Variants in KCND2 observed in about 807,000 individuals in gnomAD.
The protein encoded by KCND2 is A-type voltage-gated potassium channel KCND2.
Under a neutral mutation model 54.4 loss-of-function variants are expected in KCND2, and 16 were observed. The observed-to-expected ratio is 0.29, with a 90% confidence interval of 0.20 to 0.45. KCND2 has a LOEUF of 0.45. Ranked by LOEUF, KCND2 falls within the 20% of genes least tolerant of loss-of-function variation. KCND2 has a pLI of 1.00. For missense variants in KCND2, 486 were observed against 824.2 expected (o/e 0.59, Z 5.02); for synonymous variants, 317 against 310.7 (o/e 1.02, Z -0.21).
chr7:120,339,392 C>T (rs558940502), intron 1 of KCND2, among the ~76,000 whole-genome samples: 2 of 152,086 alleles, frequency 1.3e-5, no homozygotes, highest in African/African-American at 2.4e-5. Flanking sequence ...TTTAAGGTTC[C>T]TCACAAATTT....
chr7:120,710,348 T>C (rs1792522232), intron 1 of KCND2, among the ~76,000 whole-genome samples: 1 of 152,188 alleles, frequency 6.6e-6, no homozygotes, highest in Non-Finnish European at 1.5e-5. Flanking sequence ...TATTCAAATC[T>C]GTGCAGGGAG....
intron 1 of KCND2, among the ~76,000 whole-genome samples, chr7:120,291,364 G>T (rs1279013041): frequency 6.6e-6 from 1 of 151,826 alleles, no homozygotes; most frequent in Non-Finnish European, 1.5e-5. Flanking sequence ...TATGTCTGTA[G>T]TACTGTACTC....
chr7:120,606,673 A>G (rs924754177), intron 1 of KCND2, among the ~76,000 whole-genome samples: 4 of 152,098 alleles, frequency 2.6e-5, no homozygotes, highest in East Asian at 1.9e-4. Flanking sequence ...TCAACTGACT[A>G]TAAATGTGAG....
intron 1 of KCND2, among the ~76,000 whole-genome samples, chr7:120,417,741 T>C (rs1290103552): frequency 6.6e-6 from 1 of 152,108 alleles, no homozygotes; most frequent in Non-Finnish European, 1.5e-5. Context: ...AATACATCAT[T>C]ATGGGAAGCA....
At chr7:120,445,458 A>G (rs1246463888) in intron 1 of KCND2, among the ~76,000 whole-genome samples, 2 of 152,140 alleles carry the variant, frequency 1.3e-5, no homozygotes, top group African/African-American at 4.8e-5. Context: ...TGGGTCTACC[A>G]GTTACCACGT....
intron 1 of KCND2, among the ~76,000 whole-genome samples, chr7:120,603,045 A>G (rs749949609): frequency 1.3e-5 from 2 of 152,222 alleles, no homozygotes; most frequent in Non-Finnish European, 2.9e-5. Context: ...GGAGCCTGAT[A>G]TAATAGAAAT....
At chr7:120,328,045 A>G (rs1455121288) in intron 1 of KCND2, among the ~76,000 whole-genome samples, 1 of 152,050 alleles carries the variant, frequency 6.6e-6, no homozygotes, top group Non-Finnish European at 1.5e-5. Context: ...ACTTTATCTT[A>G]ATTTCTCTCA....
intron 1 of KCND2, among the ~76,000 whole-genome samples, chr7:120,457,352 G>C (rs1390688242): frequency 2.0e-5 from 3 of 152,090 alleles, no homozygotes; most frequent in Non-Finnish European, 4.4e-5. Flanking sequence ...GCATCATCAG[G>C]CTGCACATTT....
chr7:120,600,230 C>G (rs73441843), intron 1 of KCND2, among the ~76,000 whole-genome samples: 1 of 151,728 alleles, frequency 6.6e-6, no homozygotes, highest in South Asian at 2.1e-4. Context: ...CAATGACACT[C>G]CATAATCCAT....
intron 1 of KCND2, among the ~76,000 whole-genome samples, chr7:120,714,745 A>G (rs1399036789): frequency 6.6e-6 from 1 of 151,994 alleles, no homozygotes; most frequent in Non-Finnish European, 1.5e-5. Flanking sequence ...ACATGCAGCC[A>G]TTCCTAATTA....
At chr7:120,415,239 T>C (rs941127247) in intron 1 of KCND2, among the ~76,000 whole-genome samples, 1 of 152,148 alleles carries the variant, frequency 6.6e-6, no homozygotes, top group Non-Finnish European at 1.5e-5. Flanking sequence ...AAGTCCCTAT[T>C]ACTCCCTTCA....
intron 1 of KCND2, among the ~76,000 whole-genome samples, chr7:120,638,461 C>G (rs1793332768): frequency 6.6e-6 from 1 of 152,078 alleles, no homozygotes; most frequent in Admixed American, 6.6e-5. Flanking sequence ...GCAAAATTTC[C>G]CCTGCCATCT....
chr7:120,288,517 A>G (rs1441164327), intron 1 of KCND2, among the ~76,000 whole-genome samples: 3 of 152,100 alleles, frequency 2.0e-5, no homozygotes, highest in Non-Finnish European at 4.4e-5. Context: ...TGAATGGCTG[A>G]TTTGATGTTG....
rs571929930 is a variant in KCND2 at position 120,642,235 on chromosome 7, A to G, written c.1116-90668A>G. Among the ~76,000 whole-genome samples the G allele has an allele frequency of 2.8e-4, 43 of 152,170 alleles. 1 individual carries two copies. In the South Asian group the frequency reaches 8.9e-3, roughly 32 times the overall value. On this transcript the variant is annotated intron_variant, in intron 1 of 5. Coordinates refer to ENST00000331113, the MANE Select transcript of KCND2 (RefSeq NM_012281.3). ...CCAGATGTTTTTCATTACACTCAAC[A>G]TGTAGACTAGTTTTTATTACATAAA...
At chr7:120,622,695 T>G (rs552780077) in intron 1 of KCND2, among the ~76,000 whole-genome samples, 1 of 114,542 alleles carries the variant, frequency 8.7e-6, no homozygotes, top group African/African-American at 3.7e-5. Flanking sequence ...ACACACTCTC[T>G]CTCTCTCTCT....
chr7:120,273,124 GGGCGGGGGC>G (rs2116237024), upstream of KCND2, among the ~76,000 whole-genome samples: 1 of 152,308 alleles, frequency 6.6e-6, no homozygotes, highest in African/African-American at 2.4e-5. Context: ...GAGCCCGAGG[GGGCGGGGGC>G]GGAGAAAGGT....
intron 1 of KCND2, among the ~76,000 whole-genome samples, chr7:120,544,150 T>C (rs1354778367): frequency 2.0e-5 from 3 of 151,964 alleles, no homozygotes; most frequent in African/African-American, 7.2e-5. Context: ...ATGAAGATGT[T>C]TTTATTGAGA....
At chr7:120,407,712 A>C (rs974704336) in intron 1 of KCND2, among the ~76,000 whole-genome samples, 3 of 150,584 alleles carry the variant, frequency 2.0e-5, no homozygotes, top group African/African-American at 7.3e-5. Context: ...AAACTTTATA[A>C]TATAAAAATA....
At chr7:120,681,781 T>G (rs2116590225) in intron 1 of KCND2, among the ~76,000 whole-genome samples, 1 of 152,178 alleles carries the variant, frequency 6.6e-6, no homozygotes, top group South Asian at 2.1e-4. Context: ...TGAATGCTGG[T>G]TTTATATCAG....
Sources: gnomAD v4.1 joint callset for allele counts (sites outside exome capture counted in the v4.1 genomes callset) on GRCh38, gnomAD v4.1.1 for gene constraint, MANE v1.5 for transcripts, NCBI Gene and HGNC (gene_info 2026-07-23, HGNC 2026-07-21) for gene names.